The following EXOC4 variants were observed in gnomAD, a reference collection of about 807,000 sequenced individuals.
EXOC4 encodes the protein exocyst complex component 4, also known as SEC8-like 1.
A neutral mutation model predicts 107.2 loss-of-function variants in EXOC4; 71 were observed. That is an observed-to-expected ratio of 0.66 (90% CI 0.55 to 0.81). The LOEUF (loss-of-function observed/expected upper bound fraction) is 0.81, where lower values mean the gene tolerates loss of function less well. Among genes scored for constraint, EXOC4 ranks in the 30% least tolerant of loss-of-function variants. The probability of loss-of-function intolerance (pLI) is 0.00; values close to 1 mark genes in which losing one functional copy is unlikely to be tolerated. For synonymous variants in EXOC4, 456 were observed against 441.2 expected (o/e 1.03, Z -0.42); for missense variants, 1,108 against 1,189.6 (o/e 0.93, Z 1.01).
At chr7:133,586,087 A>AT (rs1335228242) in intron 9 of EXOC4, among the ~76,000 whole-genome samples, 1 of 151,896 alleles carries the variant, frequency 6.6e-6, no homozygotes, top group African/African-American at 2.4e-5. Flanking sequence ...CTGAAATTTT[A>AT]TTTTTTTAAA....
the EXOC4 span, among the ~76,000 whole-genome samples, chr7:134,079,512 A>G: frequency 1.3e-5 from 2 of 152,122 alleles, no homozygotes; most frequent in African/African-American, 2.4e-5. Context: ...TTTTATGCTG[A>G]TTAACCATCC....
At chr7:133,708,620 C>G (rs1794819097) in intron 10 of EXOC4, among the ~76,000 whole-genome samples, 2 of 152,184 alleles carry the variant, frequency 1.3e-5, no homozygotes, top group Admixed American at 6.5e-5. Context: ...CGTTCATTCT[C>G]TCATTTAAGT....
At chr7:133,421,605 G>T (rs868747939) in intron 7 of EXOC4, among the ~76,000 whole-genome samples, 8 of 152,114 alleles carry the variant, frequency 5.3e-5, no homozygotes, top group Admixed American at 4.6e-4. Context: ...TTGCTTTTCT[G>T]GGTCCTTGCA....
intron 6 of EXOC4, among the ~76,000 whole-genome samples, chr7:133,365,382 T>A (rs1451467329): frequency 6.6e-6 from 1 of 152,170 alleles, no homozygotes; most frequent in African/African-American, 2.4e-5. Context: ...GATACTTTAA[T>A]TCAAAGAAAT....
chr7:133,396,184 C>A (rs1411452094), intron 7 of EXOC4: 1 of 152,110 alleles, frequency 6.6e-6, no homozygotes, highest in East Asian at 1.9e-4. Flanking sequence ...TTAGTAAGCC[C>A]TCCTGGTTTT....
chr7:133,399,225 C>T (rs751283739), intron 7 of EXOC4, among the ~76,000 whole-genome samples: 3 of 152,242 alleles, frequency 2.0e-5, no homozygotes, highest in Non-Finnish European at 2.9e-5. Context: ...GCTGAGATGG[C>T]TGCCAAGCCA....
intron 6 of EXOC4, among the ~76,000 whole-genome samples, chr7:133,367,767 A>C (rs899370385): frequency 1.3e-5 from 2 of 152,214 alleles, no homozygotes; most frequent in Admixed American, 1.3e-4. Context: ...CCTAAGGATG[A>C]AATGAGATAA....
At chr7:133,903,153 GA>G (rs960918224) in intron 12 of EXOC4, among the ~76,000 whole-genome samples, 5 of 152,242 alleles carry the variant, frequency 3.3e-5, no homozygotes, top group Non-Finnish European at 7.3e-5. Flanking sequence ...AAGTGAGCGA[GA>G]GGAGGAAGGG....
At chr7:133,583,849 T>A (rs1312457201) in intron 9 of EXOC4, among the ~76,000 whole-genome samples, 1 of 152,094 alleles carries the variant, frequency 6.6e-6, no homozygotes, top group Non-Finnish European at 1.5e-5. Context: ...ATTGGTATGA[T>A]GAGATGTTAG....
At chr7:133,518,590 C>T (rs1444096673) in intron 9 of EXOC4, among the ~76,000 whole-genome samples, 2 of 152,078 alleles carry the variant, frequency 1.3e-5, no homozygotes, top group Admixed American at 1.3e-4. Context: ...CAGAAGCAAC[C>T]CAAATATCCA....
At chr7:133,784,470 A>G (rs1412978004) in intron 10 of EXOC4, among the ~76,000 whole-genome samples, 2 of 152,170 alleles carry the variant, frequency 1.3e-5, no homozygotes, top group East Asian at 3.9e-4. Flanking sequence ...TATTCAGGGG[A>G]TAGAGCACAG....
At chr7:133,903,151 G>A (rs1458841585) in intron 12 of EXOC4, among the ~76,000 whole-genome samples, 3 of 152,226 alleles carry the variant, frequency 2.0e-5, no homozygotes, top group Non-Finnish European at 2.9e-5. Flanking sequence ...TAAAGTGAGC[G>A]AGAGGAGGAA....
intron 2 of EXOC4, among the ~76,000 whole-genome samples, chr7:133,280,399 CA>C (rs1247710044): frequency 1.3e-5 from 2 of 152,038 alleles, no homozygotes; most frequent in Non-Finnish European, 2.9e-5. Context: ...CGAGTTGATA[CA>C]AATTGGGGAG....
intron 5 of EXOC4, among the ~76,000 whole-genome samples, chr7:133,346,826 T>C (rs1399067760): frequency 1.3e-5 from 2 of 152,222 alleles, no homozygotes; most frequent in Admixed American, 1.3e-4. Context: ...TCATGCGTAG[T>C]ATAAGGAATG....
chr7:133,957,198 A>AT (rs1800838724), intron 14 of EXOC4, among the ~76,000 whole-genome samples: 1 of 152,178 alleles, frequency 6.6e-6, no homozygotes, highest in East Asian at 1.9e-4. Context: ...GTCTCATTGA[A>AT]TGGATTGTTC....
intron 15 of EXOC4, among the ~76,000 whole-genome samples, chr7:134,001,757 A>G (rs1169493191): frequency 6.6e-6 from 1 of 152,154 alleles, no homozygotes; most frequent in Non-Finnish European, 1.5e-5. Flanking sequence ...GATTCCCTAC[A>G]TGGCCTTCAG....
chr7:133,854,297 C>T (rs910116656), intron 11 of EXOC4, among the ~76,000 whole-genome samples: 1 of 152,006 alleles, frequency 6.6e-6, no homozygotes. Context: ...GCCATACCTT[C>T]GAGACCAAGG....
chr7:133,423,750 A>T (rs930075396), intron 7 of EXOC4, among the ~76,000 whole-genome samples: 11 of 151,814 alleles, frequency 7.2e-5, no homozygotes, highest in Non-Finnish European at 1.5e-4. Context: ...GTGTGGAGGG[A>T]GAGGCGCGGG....
chr7:133,265,253 C>T (rs992007667), intron 1 of EXOC4, among the ~76,000 whole-genome samples: 1 of 151,826 alleles, frequency 6.6e-6, no homozygotes, highest in Non-Finnish European at 1.5e-5. Flanking sequence ...TTAGTTTTTG[C>T]CTTATGATAA....
Sources: gnomAD v4.1 joint callset for allele counts (sites outside exome capture counted in the v4.1 genomes callset) on GRCh38, gnomAD v4.1.1 for gene constraint, MANE v1.5 for transcripts, NCBI Gene and HGNC (gene_info 2026-07-23, HGNC 2026-07-21) for gene names.